The following TNNI3K variants were observed in gnomAD, a reference collection of about 807,000 sequenced individuals.
TNNI3K encodes TNNI3 interacting kinase, also known as serine/threonine-protein kinase TNNI3K.
Under a neutral mutation model 114.5 loss-of-function variants are expected in TNNI3K, and 140 were observed. That is an observed-to-expected ratio of 1.22 (90% CI 1.07 to 1.41). The LOEUF (loss-of-function observed/expected upper bound fraction) is 1.41, where lower values mean the gene tolerates loss of function less well. TNNI3K is among the 40% of genes most tolerant of loss of function. The probability of loss-of-function intolerance (pLI) is 0.00; values close to 1 mark genes in which losing one functional copy is unlikely to be tolerated. For missense variants in TNNI3K, 1,125 were observed against 1,007.6 expected (o/e 1.12, Z -1.58); for synonymous variants, 347 against 347.5 (o/e 1.00, Z 0.02).
At chr1:74,241,338 C>G (rs1654192171) in intron 2 of TNNI3K, among the ~76,000 whole-genome samples, 1 of 152,184 alleles carries the variant, frequency 6.6e-6, no homozygotes, top group South Asian at 2.1e-4. Flanking sequence ...AGTTCTAGAT[C>G]CCTGAGGAAT....
intron 17 of TNNI3K, among the ~76,000 whole-genome samples, chr1:74,398,150 C>T (rs1029410953): frequency 3.9e-5 from 6 of 152,296 alleles, no homozygotes; most frequent in African/African-American, 1.4e-4. Flanking sequence ...AAGCAAGCCT[C>T]CCTGGAGGAA....
intron 4 of TNNI3K, among the ~76,000 whole-genome samples, chr1:74,259,148 A>C (rs993530502): frequency 5.9e-5 from 9 of 152,168 alleles, no homozygotes; most frequent in Admixed American, 1.3e-4. Flanking sequence ...CTATCTATCT[A>C]ATCTAGAGAC....
intron 21 of TNNI3K, among the ~76,000 whole-genome samples, chr1:74,465,535 TC>T (rs1368441034): frequency 0.014 from 2,100 of 151,290 alleles, 39 homozygotes; most frequent in African/African-American, 0.048. Context: ...CATGCCCGAG[TC>T]CCCCCCCAAC....
rs181396282 is a variant in TNNI3K at position 74,445,583 on chromosome 1, G to C, written c.2011+5961G>C. 3.6e-3 allele frequency among the ~76,000 whole-genome samples: 543 copies of C among 149,772 alleles called. 6 individuals are homozygous for C. Among genetic ancestry groups the C allele is most frequent in the African/African-American group, 0.013 (524 of 40,724 alleles). On this transcript the variant is annotated intron_variant, in intron 20 of 24. Transcript: ENST00000326637. ...TTTTATGGCTGCATAGTATTCCATGGTGTATATGTTCCACATTTTCTTTTT... is the reference window on the plus strand; with the variant it reads ...TTTTATGGCTGCATAGTATTCCATGCTGTATATGTTCCACATTTTCTTTTT...
intron 22 of TNNI3K, among the ~76,000 whole-genome samples, chr1:74,491,096 C>G (rs1330821461): frequency 6.6e-6 from 1 of 152,084 alleles, no homozygotes; most frequent in Non-Finnish European, 1.5e-5. Flanking sequence ...CTGGGATACA[C>G]ATTTTAGAAG....
intron 5 of TNNI3K, among the ~76,000 whole-genome samples, chr1:74,292,030 A>G (rs1252371957): frequency 2.6e-5 from 4 of 151,484 alleles, no homozygotes; most frequent in Non-Finnish European, 5.9e-5. Flanking sequence ...AACATCCTAT[A>G]TAAAGTTGTT....
At chr1:74,474,805 G>A (rs114952864) in intron 21 of TNNI3K, among the ~76,000 whole-genome samples, 1 of 152,102 alleles carries the variant, frequency 6.6e-6, no homozygotes, top group African/African-American at 2.4e-5. Flanking sequence ...ATCCCTGACA[G>A]CTCAGCAAGC....
intron 5 of TNNI3K, among the ~76,000 whole-genome samples, chr1:74,313,117 TC>T (rs1164125861): frequency 6.6e-6 from 1 of 152,146 alleles, no homozygotes; most frequent in Non-Finnish European, 1.5e-5. Context: ...CTTTGGAACT[TC>T]CTTTACCTCT....
chr1:74,369,162 G>T (rs762330387), intron 14 of TNNI3K, 45 bp from the exon 15 acceptor site: 6 of 1,601,054 alleles, frequency 3.7e-6, no homozygotes, highest in Admixed American at 1.7e-5. Flanking sequence ...AGTTGAATGA[G>T]CTTAAGTTAA....
intron 4 of TNNI3K, among the ~76,000 whole-genome samples, chr1:74,270,379 C>A (rs530048634): frequency 3.3e-5 from 5 of 149,974 alleles, no homozygotes; most frequent in South Asian, 4.2e-4. Flanking sequence ...AAAAAAAAAA[C>A]AAAACTTTTT....
chr1:74,435,493 G>A (rs1666080690), intron 17 of TNNI3K, among the ~76,000 whole-genome samples: 1 of 151,964 alleles, frequency 6.6e-6, no homozygotes, highest in Non-Finnish European at 1.5e-5. Flanking sequence ...CTTGGTTGAA[G>A]GGGGACTTTG....
intron 2 of TNNI3K, among the ~76,000 whole-genome samples, chr1:74,238,870 A>T (rs535439600): frequency 1.3e-5 from 2 of 152,156 alleles, no homozygotes; most frequent in Admixed American, 6.6e-5. Context: ...ATGGAGATGG[A>T]GACTGTAGTA....
intron 2 of TNNI3K, among the ~76,000 whole-genome samples, chr1:74,245,583 T>A (rs530570847): frequency 3.9e-5 from 6 of 152,328 alleles, no homozygotes; most frequent in Admixed American, 3.9e-4. Flanking sequence ...CAAAGTTTCA[T>A]ATCACTTGTA....
intron 4 of TNNI3K, among the ~76,000 whole-genome samples, chr1:74,264,073 T>C (rs1357664713): frequency 6.6e-6 from 1 of 150,928 alleles, no homozygotes; most frequent in Non-Finnish European, 1.5e-5. Flanking sequence ...AATGAGAAAA[T>C]AGAAGAAGGA....
At chr1:74,469,682 G>A (rs974312337) in intron 21 of TNNI3K, 8 of 377,176 alleles carry the variant, frequency 2.1e-5, no homozygotes, top group East Asian at 3.8e-5. Flanking sequence ...TGTGTCAGAC[G>A]TATCCTATGA....
At chr1:74,444,476 A>T (rs952462337) in intron 20 of TNNI3K, among the ~76,000 whole-genome samples, 1 of 152,014 alleles carries the variant, frequency 6.6e-6, no homozygotes, top group African/African-American at 2.4e-5. Context: ...AACTAACAAG[A>T]AAAGTGAAGG....
At chr1:74,365,503 A>G (rs973725655) in intron 11 of TNNI3K, among the ~76,000 whole-genome samples, 3 of 152,080 alleles carry the variant, frequency 2.0e-5, no homozygotes, top group African/African-American at 4.8e-5. Flanking sequence ...TCTTATACAT[A>G]GTAAAAAAAT....
At chr1:74,297,549 G>GTGTGTA (rs1557482097) in intron 5 of TNNI3K, among the ~76,000 whole-genome samples, 57 of 151,524 alleles carry the variant, frequency 3.8e-4, no homozygotes, top group African/African-American at 1.3e-3. Flanking sequence ...GTGTGTGTGT[G>GTGTGTA]TGTGTATAAA....
At chr1:74,463,614 A>C in intron 21 of TNNI3K, 64 bp downstream of exon 21, 1 of 1,563,140 alleles carries the variant, frequency 6.4e-7, no homozygotes, top group African/African-American at 1.4e-5. Context: ...AAATAGTATA[A>C]CTCCAAAGTC....
Sources: gnomAD v4.1 joint callset for allele counts (sites outside exome capture counted in the v4.1 genomes callset) on GRCh38, gnomAD v4.1.1 for gene constraint, MANE v1.5 for transcripts, NCBI Gene and HGNC (gene_info 2026-07-23, HGNC 2026-07-21) for gene names.